Variants in JAKMIP1 observed in about 807,000 individuals in gnomAD.
JAKMIP1 encodes the protein janus kinase and microtubule-interacting protein 1.
JAKMIP1 carries 33 observed loss-of-function variants against 113.0 expected under a neutral mutation model. That is an observed-to-expected ratio of 0.29 (90% CI 0.22 to 0.39). JAKMIP1 has a LOEUF of 0.39. Among genes scored for constraint, JAKMIP1 ranks in the 10% least tolerant of loss-of-function variants. JAKMIP1 has a pLI of 1.00. For synonymous variants in JAKMIP1, 480 were observed against 459.9 expected (o/e 1.04, Z -0.56); for missense variants, 813 against 1,080.5 (o/e 0.75, Z 3.47).
rs908127934 is a variant in JAKMIP1, at chr4:6,089,829, G to A, written c.625-4200C>T. On this transcript the variant is annotated intron_variant, in intron 3 of 20. Coordinates refer to ENST00000409021, the MANE Select transcript of JAKMIP1 (RefSeq NM_001099433.2). This position sits in a 1 kb window ranked among gnomAD's most constrained non-coding sequence, Gnocchi z 5.3. ...TCCCCCAAAATGTCACATCTACCCC[G>A]AAAATCAGAATGTCACCTTACTTCG... Among the ~76,000 whole-genome samples, 7 of 152,126 alleles carry A rather than the reference G, an allele frequency of 4.6e-5. No individual in the cohort carries two copies. Among genetic ancestry groups the A allele is most frequent in the Admixed American group, 1.3e-4 (2 of 15,264 alleles).
chr4:6,142,723 C>T lies in JAKMIP1; in HGVS notation c.-147-29726G>A, dbSNP rs1720337477. On this transcript the variant is annotated intron_variant, in intron 1 of 20. Coordinates refer to ENST00000409021, the MANE Select transcript of JAKMIP1 (RefSeq NM_001099433.2). This position sits in a 1 kb window ranked among gnomAD's most constrained non-coding sequence, Gnocchi z 5.5. ...CCAGGAGATGGCAATGGATGGGGTGCTCTGGCCCCGGGGCCTGGCCGCAGG... is the reference window on the plus strand; with the variant it reads ...CCAGGAGATGGCAATGGATGGGGTGTTCTGGCCCCGGGGCCTGGCCGCAGG... 6.6e-6 allele frequency among the ~76,000 whole-genome samples: 1 copy of T among 152,194 alleles called. No homozygotes were observed. The highest frequency in any genetic ancestry group is 6.5e-5 in the Admixed American group (1 of 15,286).
chr4:6,158,380 C>T lies in JAKMIP1; in HGVS notation c.-148+41873G>A, dbSNP rs529923901. On this transcript the variant is annotated intron_variant, in intron 1 of 20. Coordinates refer to ENST00000409021, the MANE Select transcript of JAKMIP1 (RefSeq NM_001099433.2). This position sits in a 1 kb window ranked among gnomAD's most constrained non-coding sequence, Gnocchi z 5.3. The stretch of plus-strand genomic sequence containing the variant: ...CATGTAGGAATCTCAGTGATGGCCA[C>T]AGGTGAACGTGGCTCCAGGAAGGCT... Among the ~76,000 whole-genome samples the T allele has an allele frequency of 2.2e-4, 34 of 152,324 alleles. No individual in the cohort carries two copies. Among genetic ancestry groups the T allele is most frequent in the African/African-American group, 7.9e-4 (33 of 41,568 alleles).
chr4:6,075,739 AC>A (rs1406668767), intron 8 of JAKMIP1, among the ~76,000 whole-genome samples: 1 of 152,206 alleles, frequency 6.6e-6, no homozygotes, highest in African/African-American at 2.4e-5. Flanking sequence ...TTTAGTCAAC[AC>A]CTACTCTGTG....
At position 6,188,970 on chromosome 4, in the gene JAKMIP1, G is replaced by T. The variant is rs915209439; in HGVS notation, c.-148+11283C>A. ...TGGTTTGCAAAAAGAACCTCGTCAA[G>T]CCCTGAGCCTGGAAGGCTCCAAGAC... On this transcript the variant is annotated intron_variant, in intron 1 of 20. Coordinates refer to ENST00000409021, the MANE Select transcript of JAKMIP1 (RefSeq NM_001099433.2). This position sits in a 1 kb window ranked among gnomAD's most constrained non-coding sequence, Gnocchi z 5.8. Among the ~76,000 whole-genome samples, 1 of 152,198 alleles carries T rather than the reference G, an allele frequency of 6.6e-6. No individual in the cohort carries two copies. The highest frequency in any genetic ancestry group is 6.5e-5 in the Admixed American group (1 of 15,292).
chr4:6,169,153 T>C (rs1174515784), intron 1 of JAKMIP1, among the ~76,000 whole-genome samples: 1 of 152,324 alleles, frequency 6.6e-6, no homozygotes, highest in African/African-American at 2.4e-5. Context: ...AGTAACGCTA[T>C]TGTTTTAAAA....
chr4:6,046,608 C>T (rs982101996), intron 16 of JAKMIP1, among the ~76,000 whole-genome samples: 7 of 148,380 alleles, frequency 4.7e-5, no homozygotes, highest in East Asian at 2.0e-4. Flanking sequence ...AGGGTGCAAG[C>T]GGGGAGGTGG....
At chr4:6,123,684 G>A (rs1717010435) in intron 1 of JAKMIP1, among the ~76,000 whole-genome samples, 1 of 152,134 alleles carries the variant, frequency 6.6e-6, no homozygotes, top group South Asian at 2.1e-4. Flanking sequence ...AGCTGGATGT[G>A]GTGGTGCAAG....
In JAKMIP1 at chr4:6,108,798, AAG is replaced by A. The variant is rs1181936509; in HGVS notation, c.130-2833_130-2832del. Among the ~76,000 whole-genome samples, 13 of 152,248 alleles carry A rather than the reference AAG, an allele frequency of 8.5e-5. No homozygotes were observed. Among genetic ancestry groups the A allele is most frequent in the African/African-American group, 3.1e-4 (13 of 41,466 alleles). On this transcript the variant is annotated intron_variant, in intron 2 of 20. Coordinates refer to ENST00000409021, the MANE Select transcript of JAKMIP1 (RefSeq NM_001099433.2). The surrounding 1 kb of genome is among the most constrained non-coding windows in gnomAD (Gnocchi z 5.6). ...TTGGAGTAAGAGGTTACAGACAAGC[AAG>A]AGGAGGCTGAAGGGAGCCATGCGGC...
At position 6,137,347 on chromosome 4, in the gene JAKMIP1, G is replaced by T. The variant is rs1245268609; in HGVS notation, c.-147-24350C>A. Among the ~76,000 whole-genome samples, 1 of 152,212 alleles carries T rather than the reference G, an allele frequency of 6.6e-6. No homozygotes were observed. Among genetic ancestry groups the T allele is most frequent in the African/African-American group, 2.4e-5 (1 of 41,450 alleles). On this transcript the variant is annotated intron_variant, in intron 1 of 20. Transcript: ENST00000409021. This position sits in a 1 kb window ranked among gnomAD's most constrained non-coding sequence, Gnocchi z 4.5. The stretch of plus-strand genomic sequence containing the variant: ...CGCGCTGGCATTTTCCTAACAGACG[G>T]ATCAGCTTTAGACGGCACTGTTCCC...
rs1283753798 is a variant in JAKMIP1, at chr4:6,156,284, A to G, written c.-147-43287T>C. Among the ~76,000 whole-genome samples, 1 of 152,230 alleles carries G rather than the reference A, an allele frequency of 6.6e-6. No homozygotes were observed. The highest frequency in any genetic ancestry group is 6.5e-5 in the Admixed American group (1 of 15,288). ...ACTGTATCACACTGATCCTAAGTTA[A>G]CGTTTCTGAAATCAAGATTCATCTC... On this transcript the variant is annotated intron_variant, in intron 1 of 20. Transcript: ENST00000409021. The surrounding 1 kb of genome is among the most constrained non-coding windows in gnomAD (Gnocchi z 5.0).
intron 1 of JAKMIP1, among the ~76,000 whole-genome samples, chr4:6,152,743 A>G (rs1721728538): frequency 6.6e-6 from 1 of 150,542 alleles, no homozygotes; most frequent in Non-Finnish European, 1.5e-5. Flanking sequence ...GGAGTTCGAG[A>G]CCAGCCTGGC....
In JAKMIP1 at chr4:6,116,825, G is replaced by A. The variant is rs552160819; in HGVS notation, c.-147-3828C>T. Among the ~76,000 whole-genome samples the A allele has an allele frequency of 1.1e-4, 17 of 152,286 alleles. No homozygotes were observed. Among genetic ancestry groups the A allele is most frequent in the African/African-American group, 4.1e-4 (17 of 41,556 alleles). On this transcript the variant is annotated intron_variant, in intron 1 of 20. Transcript: ENST00000409021. This position sits in a 1 kb window ranked among gnomAD's most constrained non-coding sequence, Gnocchi z 5.1. Reference sequence around the variant, plus strand: ...ACAATGATGGCTTGTGGTAGGTGCTGGAAAGAACAAGTCTACAGGGCACTG... The same window carrying A: ...ACAATGATGGCTTGTGGTAGGTGCTAGAAAGAACAAGTCTACAGGGCACTG...
chr4:6,120,179 A>AC (rs922318912), intron 1 of JAKMIP1, among the ~76,000 whole-genome samples: 2 of 40,222 alleles, frequency 5.0e-5, no homozygotes, highest in African/African-American at 1.3e-4. Flanking sequence ...ATCTAGCCAC[A>AC]CTTTTTTTTT....
Position 6,181,460 on chromosome 4 carries a change from A to G in JAKMIP1, c.-148+18793T>C, listed in dbSNP as rs1275165272. 6.6e-6 allele frequency among the ~76,000 whole-genome samples: 1 copy of G among 152,146 alleles called. No homozygotes were observed. The highest frequency in any genetic ancestry group is 1.9e-4 in the East Asian group (1 of 5,174). ...GTCCTTCTCAGGTGCAGACATTTGC[A>G]GAGTCCCTCAATGTCTCAGTGGCTC... On this transcript the variant is annotated intron_variant, in intron 1 of 20. Coordinates refer to ENST00000409021, the MANE Select transcript of JAKMIP1 (RefSeq NM_001099433.2). This position sits in a 1 kb window ranked among gnomAD's most constrained non-coding sequence, Gnocchi z 5.4.
chr4:6,081,931 C>T lies in JAKMIP1; in HGVS notation c.955-176G>A, dbSNP rs370526874. ...TGGGCAAGTTCTCAGCCTCAGTTTCCTCATCTATCAAATGAGAATCACGGC... is the reference window on the plus strand; with the variant it reads ...TGGGCAAGTTCTCAGCCTCAGTTTCTTCATCTATCAAATGAGAATCACGGC... On this transcript the variant is annotated intron_variant, in intron 5 of 20. Coordinates refer to ENST00000409021, the MANE Select transcript of JAKMIP1 (RefSeq NM_001099433.2). This position sits in a 1 kb window ranked among gnomAD's most constrained non-coding sequence, Gnocchi z 4.6. Among the ~76,000 whole-genome samples the T allele has an allele frequency of 8.7e-4, 133 of 152,296 alleles. No homozygotes were observed. The highest frequency in any genetic ancestry group is 3.0e-3 in the African/African-American group (126 of 41,564).
intron 19 of JAKMIP1, among the ~76,000 whole-genome samples, chr4:6,035,000 G>A (rs1713216203): frequency 6.6e-6 from 1 of 152,186 alleles, no homozygotes; most frequent in Non-Finnish European, 1.5e-5. Context: ...ATGGCCTTCA[G>A]GCTTGAAATA....
At position 6,076,749 on chromosome 4, in the gene JAKMIP1, T is replaced by C. The variant is rs776141875; in HGVS notation, c.1302+2190A>G. Among the ~76,000 whole-genome samples, 2 of 152,242 alleles carry C rather than the reference T, an allele frequency of 1.3e-5. No individual in the cohort carries two copies. The highest frequency in any genetic ancestry group is 2.4e-5 in the African/African-American group (1 of 41,468). ...ATATTTGCATAAACAGAATAAGGTATCTTGGGGATGGGACCCAAGTCTAAA... is the reference window on the plus strand; with the variant it reads ...ATATTTGCATAAACAGAATAAGGTACCTTGGGGATGGGACCCAAGTCTAAA... On this transcript the variant is annotated intron_variant, in intron 8 of 20. Coordinates refer to ENST00000409021, the MANE Select transcript of JAKMIP1 (RefSeq NM_001099433.2). This position sits in a 1 kb window ranked among gnomAD's most constrained non-coding sequence, Gnocchi z 4.8.
intron 1 of JAKMIP1, among the ~76,000 whole-genome samples, chr4:6,123,480 C>G (rs964424575): frequency 6.6e-6 from 1 of 152,104 alleles, no homozygotes; most frequent in Non-Finnish European, 1.5e-5. Flanking sequence ...GCCACCACCC[C>G]AAAAGAGAGA....
intron 1 of JAKMIP1, among the ~76,000 whole-genome samples, chr4:6,125,286 T>G (rs1717249627): frequency 6.6e-6 from 1 of 152,042 alleles, no homozygotes; most frequent in East Asian, 1.9e-4. Flanking sequence ...CCACCCGGGC[T>G]GGCTGACCCC....
Sources: gnomAD v4.1 joint callset for allele counts (sites outside exome capture counted in the v4.1 genomes callset) on GRCh38, gnomAD v4.1.1 for gene constraint, Gnocchi (gnomAD v3.1) non-coding constraint, MANE v1.5 for transcripts, NCBI Gene and HGNC (gene_info 2026-07-23, HGNC 2026-07-21) for gene names.